RIN2: variants seen among roughly 807,000 people sequenced by gnomAD.
RIN2 encodes the protein RAB5 interacting protein 2.
A neutral mutation model predicts 78.0 loss-of-function variants in RIN2; 36 were observed. The observed-to-expected ratio is 0.46, with a 90% CI of 0.35 to 0.61. The LOEUF (loss-of-function observed/expected upper bound fraction) is 0.61, where lower values mean the gene tolerates loss of function less well. Among genes scored for constraint, RIN2 ranks in the 20% least tolerant of loss-of-function variants. The probability of loss-of-function intolerance (pLI) is 0.00; values close to 1 mark genes in which losing one functional copy is unlikely to be tolerated. For missense variants in RIN2, 1,087 were observed against 1,159.7 expected (o/e 0.94, Z 0.91); for synonymous variants, 466 against 466.8 (o/e 1.00, Z 0.02).
intron 1 of RIN2, among the ~76,000 whole-genome samples, chr20:19,779,083 C>T (rs942163655): frequency 2.6e-5 from 4 of 152,052 alleles, no homozygotes; most frequent in African/African-American, 7.3e-5. Flanking sequence ...ATGGTAGTGA[C>T]GGGAGGATTT....
intron 2 of RIN2, among the ~76,000 whole-genome samples, chr20:19,851,057 A>AAAGGAAGG (rs142938284): frequency 1.7e-4 from 22 of 132,618 alleles, no homozygotes; most frequent in African/African-American, 3.3e-4. Flanking sequence ...AAGGAGAAAG[A>AAAGGAAGG]AAGGAAGGAA....
chr20:19,926,176 T>C (rs897096619), intron 3 of RIN2, among the ~76,000 whole-genome samples: 3 of 152,182 alleles, frequency 2.0e-5, no homozygotes, highest in African/African-American at 7.2e-5. Context: ...TGGTTACATC[T>C]GAGTAGGTGA....
At chr20:19,843,591 A>T (rs991540818) in intron 2 of RIN2, among the ~76,000 whole-genome samples, 1 of 152,214 alleles carries the variant, frequency 6.6e-6, no homozygotes, top group African/African-American at 2.4e-5. Flanking sequence ...TAGAGTCTAA[A>T]CATAACTTCT....
chr20:19,933,242 G>A (rs1373161166), intron 3 of RIN2, among the ~76,000 whole-genome samples: 1 of 152,110 alleles, frequency 6.6e-6, no homozygotes, highest in African/African-American at 2.4e-5. Context: ...TTCTTATCAT[G>A]GAAGACTCAA....
At chr20:19,762,549 A>G (rs1471328075) in intron 1 of RIN2, among the ~76,000 whole-genome samples, 1 of 152,182 alleles carries the variant, frequency 6.6e-6, no homozygotes, top group Non-Finnish European at 1.5e-5. Context: ...GTGGTGTCAC[A>G]GAAGTCAAGG....
intron 2 of RIN2, among the ~76,000 whole-genome samples, chr20:19,822,105 G>C (rs748565929): frequency 6.6e-6 from 1 of 152,154 alleles, no homozygotes; most frequent in Non-Finnish European, 1.5e-5. Context: ...ATTCTGATCT[G>C]TGTTCCAGCC....
At chr20:19,998,707 C>T (rs1033498869) in intron 12 of RIN2, among the ~76,000 whole-genome samples, 4 of 152,152 alleles carry the variant, frequency 2.6e-5, no homozygotes, top group African/African-American at 7.2e-5. Flanking sequence ...CCTTCTGGAG[C>T]GCATAAACCT....
chr20:19,832,802 A>T (rs2036288751), intron 2 of RIN2, among the ~76,000 whole-genome samples: 2 of 152,112 alleles, frequency 1.3e-5, no homozygotes, highest in African/African-American at 4.8e-5. Flanking sequence ...CAGAAGGGAC[A>T]GAAAGGGCCA....
chr20:19,965,861 C>G (rs2041921936), intron 7 of RIN2, among the ~76,000 whole-genome samples: 1 of 152,212 alleles, frequency 6.6e-6, no homozygotes, highest in Admixed American at 6.5e-5. Context: ...ATTCACCCAC[C>G]TCGGCCTCCC....
chr20:19,795,020 C>T (rs2122655779), intron 1 of RIN2, among the ~76,000 whole-genome samples: 1 of 152,286 alleles, frequency 6.6e-6, no homozygotes, highest in South Asian at 2.1e-4. Flanking sequence ...ATTTGCATTT[C>T]TCTTAGGAAC....
chr20:19,960,526 G>A (rs571709647), intron 5 of RIN2, among the ~76,000 whole-genome samples, 174 bp from the exon 6 acceptor site: 3 of 152,196 alleles, frequency 2.0e-5, no homozygotes, highest in African/African-American at 2.4e-5. Flanking sequence ...ATGAACAAAG[G>A]TGTCTGCAGC....
At chr20:19,771,268 G>A (rs1306449314) in intron 1 of RIN2, among the ~76,000 whole-genome samples, 1 of 152,166 alleles carries the variant, frequency 6.6e-6, no homozygotes, top group Non-Finnish European at 1.5e-5. Flanking sequence ...GGTCTTTCCT[G>A]TAACCAGGGA....
rs772163136 is a variant in RIN2, at chr20:19,889,554, C to G, written c.-36-12C>G. ...AGGCTGGACTAACCATTAAAAATGTCTCTACCTTCAGGAGTCCCCGGCGTG... is the reference window on the plus strand; with the variant it reads ...AGGCTGGACTAACCATTAAAAATGTGTCTACCTTCAGGAGTCCCCGGCGTG... On this transcript the variant is annotated splice_polypyrimidine_tract_variant and intron_variant, in intron 2 of 12. Transcript: ENST00000255006. The G allele has an allele frequency of 1.9e-5, 30 of 1,547,068 alleles. No individual in the cohort carries two copies. The East Asian group carries it at 4.9e-4, about 25-fold the overall frequency.
chr20:19,854,504 A>G (rs2037099760), intron 2 of RIN2, among the ~76,000 whole-genome samples: 1 of 152,130 alleles, frequency 6.6e-6, no homozygotes, highest in Admixed American at 6.5e-5. Context: ...GATTCTTCCT[A>G]TCTATGAGCA....
chr20:19,834,337 A>G (rs1028417820), intron 2 of RIN2, among the ~76,000 whole-genome samples: 7 of 152,342 alleles, frequency 4.6e-5, no homozygotes, highest in Middle Eastern at 3.4e-3. Flanking sequence ...GAAGCTGCCT[A>G]TGGGTGACAA....
chr20:19,977,823 C>T (rs2042327924), intron 9 of RIN2, among the ~76,000 whole-genome samples: 1 of 152,138 alleles, frequency 6.6e-6, no homozygotes, highest in South Asian at 2.1e-4. Flanking sequence ...CCTCCACAAG[C>T]ATTGCCATGC....
intron 3 of RIN2, among the ~76,000 whole-genome samples, chr20:19,900,526 T>C (rs1426157302): frequency 6.6e-6 from 1 of 151,662 alleles, no homozygotes; most frequent in East Asian, 1.9e-4. Flanking sequence ...CAGTGGCCCA[T>C]ACCTGTAATC....
chr20:19,996,466 C>T (rs776402084), intron 11 of RIN2, among the ~76,000 whole-genome samples: 4 of 152,164 alleles, frequency 2.6e-5, no homozygotes, highest in African/African-American at 4.8e-5. Context: ...AGGCCTGGGT[C>T]GCTCCAGAAA....
chr20:19,765,851 G>C (rs937437206), intron 1 of RIN2, among the ~76,000 whole-genome samples: 3 of 152,120 alleles, frequency 2.0e-5, no homozygotes, highest in African/African-American at 7.2e-5. Context: ...GTTGAAGGAA[G>C]GTGACTTCAT....
Sources: gnomAD v4.1 joint callset for allele counts (sites outside exome capture counted in the v4.1 genomes callset) on GRCh38, gnomAD v4.1.1 for gene constraint, MANE v1.5 for transcripts, NCBI Gene and HGNC (gene_info 2026-07-23, HGNC 2026-07-21) for gene names.